Variants in MDN1 observed in about 807,000 individuals in gnomAD.
The protein encoded by MDN1 is midasin.
MDN1 carries 266 observed loss-of-function variants against 669.2 expected under a neutral mutation model. The observed-to-expected ratio is 0.40, with a 90% CI of 0.36 to 0.44. The LOEUF (loss-of-function observed/expected upper bound fraction) is 0.44. Ranked by LOEUF, MDN1 falls within the 20% of genes least tolerant of loss-of-function variation. The probability of loss-of-function intolerance (pLI) is 1.00; values close to 1 mark genes in which losing one functional copy is unlikely to be tolerated. For synonymous variants in MDN1, 2,385 were observed against 2,457.1 expected, an observed-to-expected ratio of 0.97 and a Z score of 0.87; for missense variants, 5,940 against 6,754.0, an observed-to-expected ratio of 0.88 and a Z score of 4.22.
Position 89,672,190 on chromosome 6 carries a change from A to G in MDN1, c.13794+10T>C. On this transcript the variant is annotated intron_variant, in intron 82 of 101. Coordinates refer to ENST00000369393, the MANE Select transcript of MDN1 (RefSeq NM_014611.3). ...GAAGAGGAAGAAGTTTGTAAAGAAC[A>G]GTTAGTTACCAGGTGCTTTGCTGCT... 1 of 1,567,008 alleles carries G rather than the reference A, an allele frequency of 6.4e-7. No individual in the cohort carries two copies. The highest frequency in any genetic ancestry group is 8.6e-7 in the Non-Finnish European group (1 of 1,163,516).
In MDN1 at chr6:89,673,357, C is replaced by T; in HGVS notation, c.13353G>A (p.Glu4451=). The T allele has an allele frequency of 1.2e-6, 2 of 1,614,180 alleles. No homozygotes were observed. The highest frequency in any genetic ancestry group is 1.7e-6 in the Non-Finnish European group (2 of 1,180,028). ...CTAGTGCCATTTGTGAGTCTCTTTG[C>T]TCAACCTCCATCCCTGGAAGAATGA... ...SLFILPGMEV[E]QRDSQMALVE... Residue 4451 remains glutamate (E), a synonymous_variant, in exon 80 of 102, where the codon GAG becomes GAA. Transcript: ENST00000369393.
intron 50 of MDN1, among the ~76,000 whole-genome samples, chr6:89,709,447 C>T (rs1297592964): frequency 3.9e-5 from 6 of 152,164 alleles, no homozygotes; most frequent in African/African-American, 4.8e-5. Flanking sequence ...CAAGCGATGC[C>T]TGCTGAAAAT....
At chr6:89,806,786 G>T (rs1036691175) in intron 1 of MDN1, among the ~76,000 whole-genome samples, 6 of 151,524 alleles carry the variant, frequency 4.0e-5, no homozygotes, top group African/African-American at 1.2e-4. Context: ...GCTGGTGACG[G>T]TGTGCATCTA....
Position 89,819,511 on chromosome 6 carries a change from T to C in MDN1, c.97A>G (p.Lys33Glu). Reference protein sequence around the residue: ...SRSELGRFLAKQVWTPQDRQC... With the variant: ...SRSELGRFLAEQVWTPQDRQC... ...CCTCTCCCTTCACGTCTTACCTGCT[T>C]GGCCAAGAACCTGCCCAACTCACTG... is the stretch of plus-strand genomic sequence containing the variant. Residue 33 changes from lysine (K) to glutamate (E), a missense_variant, in exon 1 of 102, where the codon AAG (lysine) becomes GAG (glutamate). Lys to Glu is a moderately conservative substitution (Grantham distance 56). Coordinates refer to ENST00000369393, the MANE Select transcript of MDN1 (RefSeq NM_014611.3). 1 of 1,606,058 alleles carries C rather than the reference T, an allele frequency of 6.2e-7. No homozygotes were observed. The highest frequency in any genetic ancestry group is 8.5e-7 in the Non-Finnish European group (1 of 1,179,942).
chr6:89,701,059 A>C (rs1339460940), intron 55 of MDN1, among the ~76,000 whole-genome samples: 1 of 152,242 alleles, frequency 6.6e-6, no homozygotes, highest in East Asian at 1.9e-4. Flanking sequence ...TCTCAGGAAT[A>C]AGTAAGATGA....
At chr6:89,735,235 A>G (rs1299213754) in intron 33 of MDN1, among the ~76,000 whole-genome samples, 1 of 152,070 alleles carries the variant, frequency 6.6e-6, no homozygotes, top group African/African-American at 2.4e-5. Context: ...GTATTGACTA[A>G]TGTACCAATA....
chr6:89,777,497 C>T (rs568090751), intron 11 of MDN1, among the ~76,000 whole-genome samples: 4 of 152,222 alleles, frequency 2.6e-5, no homozygotes, highest in Admixed American at 2.6e-4. Flanking sequence ...AAAACTAACC[C>T]CCTCTTTGCT....
chr6:89,784,088 C>T (rs942198317), intron 9 of MDN1, among the ~76,000 whole-genome samples: 1 of 151,944 alleles, frequency 6.6e-6, no homozygotes, highest in Non-Finnish European at 1.5e-5. Context: ...CCAAGGCAGG[C>T]AGGTCACCTG....
intron 85 of MDN1, 82 bp downstream of exon 85, chr6:89,664,405 T>C (rs1810034772): frequency 6.5e-7 from 1 of 1,535,214 alleles, no homozygotes; most frequent in Non-Finnish European, 8.9e-7. Flanking sequence ...TTATATTGGG[T>C]TCCTTATTAG....
intron 33 of MDN1, among the ~76,000 whole-genome samples, chr6:89,733,345 A>G (rs989072089): frequency 1.3e-5 from 2 of 152,014 alleles, no homozygotes; most frequent in Non-Finnish European, 2.9e-5. Context: ...TTCCTATCAG[A>G]TAATATTTGT....
intron 1 of MDN1, among the ~76,000 whole-genome samples, chr6:89,804,070 G>C (rs1046597415): frequency 1.3e-5 from 2 of 150,754 alleles, no homozygotes; most frequent in Non-Finnish European, 3.0e-5. Flanking sequence ...GCTAATTTTT[G>C]TTTTGATTTG....
At chr6:89,768,466 CAATT>C (rs746928949) in intron 15 of MDN1, among the ~76,000 whole-genome samples, 22 of 152,284 alleles carry the variant, frequency 1.4e-4, no homozygotes, top group Middle Eastern at 6.8e-3. Flanking sequence ...AACTGTGAGT[CAATT>C]AAACCTCTTT....
chr6:89,723,200 T>C (rs1396317136), intron 39 of MDN1, 57 bp from the exon 40 acceptor site: 1 of 1,509,774 alleles, frequency 6.6e-7, no homozygotes, highest in African/African-American at 1.4e-5. Flanking sequence ...AGGCACTGCA[T>C]TAAGTACTAG....
At chr6:89,753,030 G>T (rs999937495) in intron 22 of MDN1, among the ~76,000 whole-genome samples, 5 of 152,042 alleles carry the variant, frequency 3.3e-5, no homozygotes, top group Non-Finnish European at 5.9e-5. Flanking sequence ...GGCTGAGACA[G>T]GAGAATCACT....
intron 1 of MDN1, chr6:89,814,743 C>T (rs553574749): frequency 2.5e-4 from 94 of 374,192 alleles, no homozygotes; most frequent in South Asian, 1.9e-3. Context: ...CAGGAGCAGC[C>T]GCTGGACAGC....
At chr6:89,729,810 G>A (rs762201170) in intron 35 of MDN1, among the ~76,000 whole-genome samples, 4 of 151,366 alleles carry the variant, frequency 2.6e-5, no homozygotes, top group Non-Finnish European at 4.4e-5. Context: ...TCCTACACAG[G>A]AGCACTGAGT....
chr6:89,759,826 C>T (rs188405085), intron 17 of MDN1, among the ~76,000 whole-genome samples: 203 of 151,864 alleles, frequency 1.3e-3, no homozygotes, highest in Admixed American at 3.1e-3. Context: ...AATCGCAGCA[C>T]TCTGGAAGGC....
chr6:89,739,528 C>G (rs939298911), intron 32 of MDN1, among the ~76,000 whole-genome samples: 3 of 152,312 alleles, frequency 2.0e-5, no homozygotes, highest in Admixed American at 6.5e-5. Flanking sequence ...TATTTAAGAT[C>G]AACCCCTCTG....
chr6:89,683,994 T>C (rs2128306810), intron 71 of MDN1, 90 bp from the exon 72 acceptor site: 1 of 961,776 alleles, frequency 1.0e-6, no homozygotes, highest in Non-Finnish European at 1.6e-6. Context: ...AGACCAGAGC[T>C]CACTCTATCC....
Sources: allele counts gnomAD v4.1 joint callset (sites outside exome capture counted in the v4.1 genomes callset), GRCh38; gene constraint gnomAD v4.1.1; transcripts MANE v1.5; gene names NCBI Gene and HGNC (gene_info 2026-07-23, HGNC 2026-07-21).